The following PKHD1L1 variants were observed in gnomAD, a reference collection of about 807,000 sequenced individuals.
PKHD1L1 encodes fibrocystin-L.
PKHD1L1 carries 434 observed loss-of-function variants against 462.9 expected under a neutral mutation model. The ratio of observed to expected loss-of-function variants is 0.94; its 90% CI spans 0.87 to 1.02. PKHD1L1 has a LOEUF of 1.02. Ranked by LOEUF, PKHD1L1 falls within the 50% of genes least tolerant of loss-of-function variation. The probability of loss-of-function intolerance (pLI) is 0.00; values close to 1 mark genes in which losing one functional copy is unlikely to be tolerated. For synonymous variants in PKHD1L1, 1,781 were observed against 1,750.0 expected (o/e 1.02, Z -0.44); for missense variants, 5,202 against 5,096.1 (o/e 1.02, Z -0.63).
chr8:109,504,539 T>G, intron 68 of PKHD1L1, 47 bp downstream of exon 68: 1 of 1,176,098 alleles, frequency 8.5e-7, no homozygotes. Flanking sequence ...TAGTTTTTCA[T>G]TCTCACTTCC....
intron 21 of PKHD1L1, among the ~76,000 whole-genome samples, chr8:109,415,122 C>G (rs1402664782): frequency 1.3e-5 from 2 of 151,834 alleles, no homozygotes; most frequent in Non-Finnish European, 2.9e-5. Context: ...CCCAGCCTCC[C>G]CCCACAAGTA....
At chr8:109,457,170 C>G (rs892213202) in intron 46 of PKHD1L1, among the ~76,000 whole-genome samples, 1 of 151,926 alleles carries the variant, frequency 6.6e-6, no homozygotes, top group African/African-American at 2.4e-5. Flanking sequence ...TTATAAGAAA[C>G]AGCTAAATTG....
chr8:109,458,093 G>T (rs551417190), intron 46 of PKHD1L1, among the ~76,000 whole-genome samples: 3 of 152,008 alleles, frequency 2.0e-5, no homozygotes, highest in East Asian at 3.9e-4. Context: ...TTTTAGAGTT[G>T]TAAACTGCTT....
rs1468837502 is a variant in PKHD1L1 at position 109,532,332 on chromosome 8, C to A, written c.*2242C>A. Reference sequence around the variant, plus strand: ...CATTCTAGAATTATCATAATAATTCCTTATTCCAGATAAATTACAATTTAA... The same window carrying A: ...CATTCTAGAATTATCATAATAATTCATTATTCCAGATAAATTACAATTTAA... On this transcript the variant is annotated 3_prime_UTR_variant, in exon 78 of 78. Transcript: ENST00000378402. 6.6e-6 allele frequency among the ~76,000 whole-genome samples: 1 copy of A among 152,264 alleles called. No individual in the cohort carries two copies. Among genetic ancestry groups the A allele is most frequent in the Non-Finnish European group, 1.5e-5 (1 of 68,002 alleles).
chr8:109,491,714 G>A (rs1818835359), intron 61 of PKHD1L1, among the ~76,000 whole-genome samples, 159 bp from the exon 62 acceptor site: 1 of 151,856 alleles, frequency 6.6e-6, no homozygotes, highest in East Asian at 1.9e-4. Context: ...TTATCAAAGA[G>A]TTCAGAAGAC....
At chr8:109,422,103 T>G (rs1156522403) in intron 23 of PKHD1L1, among the ~76,000 whole-genome samples, 1 of 152,248 alleles carries the variant, frequency 6.6e-6, no homozygotes, top group Non-Finnish European at 1.5e-5. Flanking sequence ...AGAACTATTT[T>G]TATATCCTTT....
intron 6 of PKHD1L1, 66 bp from the exon 7 acceptor site, chr8:109,388,431 G>A (rs1312538840): frequency 8.0e-6 from 9 of 1,119,916 alleles, no homozygotes; most frequent in Non-Finnish European, 1.2e-5. Context: ...GTTGATGGGA[G>A]GAGTGCATTT....
chr8:109,398,613 A>C (rs531670038), intron 12 of PKHD1L1, 65 bp downstream of exon 12: 1 of 657,422 alleles, frequency 1.5e-6, no homozygotes, highest in South Asian at 4.4e-5. Context: ...TTAGTAAAAA[A>C]TATTATTTAA....
chr8:109,519,228 A>G (rs919675938), intron 73 of PKHD1L1, among the ~76,000 whole-genome samples: 1 of 151,990 alleles, frequency 6.6e-6, no homozygotes, highest in Non-Finnish European at 1.5e-5. Context: ...CCTATTTTTT[A>G]TCAGAGATAA....
rs772835234 is a variant in PKHD1L1 at position 109,445,055 on chromosome 8, A to G, written c.5186A>G (p.His1729Arg). The G allele has an allele frequency of 2.5e-6, 4 of 1,613,828 alleles. No homozygotes were observed. Among genetic ancestry groups the G allele is most frequent in the South Asian group, 2.2e-5 (2 of 91,076 alleles). The stretch of plus-strand genomic sequence containing the variant: ...CTTGTGGATGTAGATCTTCTAATAC[A>G]TGGAGTGCCTGCCCAGTGCCAGGGA... ...QQLVDVDLLI[H>R]GVPAQCQGNC... is the part of the protein sequence containing the mutation. Residue 1729 changes from histidine (H) to arginine (R), a missense_variant, in exon 38 of 78, where the codon CAT becomes CGT. Around this residue, in one of 3 missense-constraint regions of PKHD1L1, gnomAD observed 4,497 missense variants for 4,336.8 expected, o/e 1.04. Transcript: ENST00000378402.
intron 12 of PKHD1L1, among the ~76,000 whole-genome samples, chr8:109,399,268 C>G (rs1813130437): frequency 6.6e-6 from 1 of 152,006 alleles, no homozygotes; most frequent in Non-Finnish European, 1.5e-5. Flanking sequence ...TTGTGTATAT[C>G]ACTAGACACT....
intron 5 of PKHD1L1, among the ~76,000 whole-genome samples, chr8:109,384,613 C>T (rs1812338938): frequency 6.6e-6 from 1 of 151,972 alleles, no homozygotes; most frequent in African/African-American, 2.4e-5. Flanking sequence ...TTATCACCTC[C>T]CACCCCCACC....
intron 18 of PKHD1L1, among the ~76,000 whole-genome samples, chr8:109,409,626 A>G (rs964022849): frequency 6.6e-6 from 1 of 152,220 alleles, no homozygotes; most frequent in Non-Finnish European, 1.5e-5. Context: ...TAAGTATGCT[A>G]TTATTAGCCA....
At chr8:109,378,926 G>A (rs1388688026) in intron 2 of PKHD1L1, among the ~76,000 whole-genome samples, 2 of 152,188 alleles carry the variant, frequency 1.3e-5, no homozygotes, top group African/African-American at 2.4e-5. Flanking sequence ...ACTTCCGCAA[G>A]AGAACATCCC....
At chr8:109,431,244 T>C (rs1815084411) in intron 27 of PKHD1L1, among the ~76,000 whole-genome samples, 3 of 152,198 alleles carry the variant, frequency 2.0e-5, no homozygotes, top group African/African-American at 7.2e-5. Context: ...TATAACAATC[T>C]GAATTGTCTT....
At chr8:109,460,482 G>A (rs912253351) in intron 47 of PKHD1L1, among the ~76,000 whole-genome samples, 15 of 152,200 alleles carry the variant, frequency 9.9e-5, no homozygotes, top group African/African-American at 2.9e-4. Flanking sequence ...GGCTAAGTCC[G>A]AGTTTTTCAA....
rs1821153467 is a variant in PKHD1L1, at chr8:109,536,782, TA to T, written c.*6696del. Among the ~76,000 whole-genome samples the T allele has an allele frequency of 6.6e-6, 1 of 152,192 alleles. No homozygotes were observed. Among genetic ancestry groups the T allele is most frequent in the African/African-American group, 2.4e-5 (1 of 41,452 alleles). On this transcript the variant is annotated 3_prime_UTR_variant, in exon 78 of 78. Transcript: ENST00000378402. ...TTTTGAATCTTCCTGTATTTAGCAA[TA>T]AAAGTTACTGCTAATTGTAATAACA...
Position 109,427,141 on chromosome 8 carries a change from G to T in PKHD1L1, c.2985G>T (p.Lys995Asn). Residue 995 changes from lysine to asparagine, a missense_variant, in exon 25 of 78, where the codon AAG becomes AAT. Around this residue, in one of 3 missense-constraint regions of PKHD1L1, gnomAD observed 4,497 missense variants for 4,336.8 expected, o/e 1.04. Coordinates refer to ENST00000378402, the MANE Select transcript of PKHD1L1 (RefSeq NM_177531.6). ...TCAAATGGAGAAGCACCTGCGGAAAGCAGAATCTTCTACAGGTTCCCTCAT... is the reference window on the plus strand; with the variant it reads ...TCAAATGGAGAAGCACCTGCGGAAATCAGAATCTTCTACAGGTTCCCTCAT... Reference protein sequence around the residue: ...WNIKWRSTCGKQNLLQINDSN... With the variant: ...WNIKWRSTCGNQNLLQINDSN... 1 of 1,613,674 alleles carries T rather than the reference G, an allele frequency of 6.2e-7. No homozygotes were observed.
intron 14 of PKHD1L1, among the ~76,000 whole-genome samples, chr8:109,403,146 T>C (rs996019279): frequency 1.3e-5 from 2 of 152,158 alleles, no homozygotes; most frequent in Non-Finnish European, 2.9e-5. Flanking sequence ...CTGGTATCTG[T>C]GCTCCTGCAA....
Sources: gnomAD v4.1 joint callset for allele counts (sites outside exome capture counted in the v4.1 genomes callset) on GRCh38, gnomAD v4.1.1 for gene constraint, gnomAD v4.1.1 regional missense constraint, MANE v1.5 for transcripts, NCBI Gene and HGNC (gene_info 2026-07-23, HGNC 2026-07-21) for gene names.